Variants in KCTD8 observed in about 807,000 individuals in gnomAD.
KCTD8 encodes the protein BTB/POZ domain-containing protein KCTD8.
A neutral mutation model predicts 31.5 loss-of-function variants in KCTD8; 27 were observed. That is an observed-to-expected ratio of 0.86 (90% CI 0.63 to 1.18). KCTD8 has a LOEUF of 1.18. Ranked by LOEUF, KCTD8 falls within the 50% of genes most tolerant of loss-of-function variation. The pLI, the probability that KCTD8 is intolerant of heterozygous loss-of-function variation, is 0.00. For missense variants in KCTD8, 658 were observed against 647.7 expected (o/e 1.02, Z -0.17); for synonymous variants, 290 against 280.0 (o/e 1.04, Z -0.36).
chr4:44,247,452 G>A (rs546290624), intron 1 of KCTD8, among the ~76,000 whole-genome samples: 97 of 151,990 alleles, frequency 6.4e-4, no homozygotes, highest in Non-Finnish European at 1.3e-3. Context: ...GTGTGTATGT[G>A]TGTGTGTGCG....
chr4:44,195,118 T>C (rs1433374081), intron 1 of KCTD8, among the ~76,000 whole-genome samples: 1 of 151,760 alleles, frequency 6.6e-6, no homozygotes, highest in Non-Finnish European at 1.5e-5. Flanking sequence ...CCTTAGGTGA[T>C]CCACCCACCT....
At chr4:44,325,615 T>C (rs1005380964) in intron 1 of KCTD8, among the ~76,000 whole-genome samples, 7 of 151,866 alleles carry the variant, frequency 4.6e-5, no homozygotes, top group Non-Finnish European at 8.8e-5. Flanking sequence ...CATAAATATA[T>C]ACAGCTACTA....
chr4:44,432,538 G>A (rs1034465852), intron 1 of KCTD8, among the ~76,000 whole-genome samples: 4 of 151,638 alleles, frequency 2.6e-5, no homozygotes, highest in Non-Finnish European at 5.9e-5. Context: ...CATCCCAGGT[G>A]ATACTACTAC....
At chr4:44,376,811 T>A (rs1560439653) in intron 1 of KCTD8, among the ~76,000 whole-genome samples, 1 of 152,158 alleles carries the variant, frequency 6.6e-6, no homozygotes. Flanking sequence ...TCTTGAAGAA[T>A]GTGTGTCAGG....
intron 1 of KCTD8, among the ~76,000 whole-genome samples, chr4:44,291,633 TA>T (rs1717277199): frequency 1.3e-5 from 2 of 151,940 alleles, no homozygotes; most frequent in African/African-American, 4.8e-5. Context: ...AATACCTAAT[TA>T]AATGAAAAGA....
chr4:44,447,361 G>C (rs535443995), intron 1 of KCTD8, among the ~76,000 whole-genome samples: 1 of 152,354 alleles, frequency 6.6e-6, no homozygotes, highest in East Asian at 1.9e-4. Flanking sequence ...TAGAAAGGGG[G>C]AGTAGAGACG....
intron 1 of KCTD8, among the ~76,000 whole-genome samples, chr4:44,335,876 C>A (rs184271655): frequency 6.6e-6 from 1 of 151,932 alleles, no homozygotes; most frequent in South Asian, 2.1e-4. Context: ...AAAGGCCGGG[C>A]GCGGTGGCTC....
chr4:44,227,087 T>C (rs1018195207), intron 1 of KCTD8, among the ~76,000 whole-genome samples: 2 of 152,222 alleles, frequency 1.3e-5, no homozygotes, highest in African/African-American at 4.8e-5. Context: ...CCATTGCTTT[T>C]GGTGTTTTAG....
Position 44,447,893 on chromosome 4 carries a change from G to C in KCTD8, c.631C>G (p.Leu211Val). The change falls in exon 1 of 2, where the codon CTG (leucine) becomes GTG (valine). Residue 211 changes from leucine (L) to valine (V), a missense_variant. By Grantham distance (32) the Leu-to-Val change is conservative. Transcript: ENST00000360029. The stretch of plus-strand genomic sequence containing the variant: ...GTGGTGTAGGAGCCCCGGTAGCCCA[G>C]CGTGAGGAAGCCCGAGCGCTTGTCC... The part of the protein sequence containing the change: ...AQDKRSGFLT[L>V]GYRGSYTTVR... 4 of 1,529,974 alleles carry C rather than the reference G, an allele frequency of 2.6e-6. No individual in the cohort carries two copies. Among genetic ancestry groups the C allele is most frequent in the Non-Finnish European group, 3.5e-6 (4 of 1,135,294 alleles). 94.8% of individuals were successfully genotyped at this position (1,529,974 alleles called of 1,614,324 possible).
chr4:44,266,489 C>T (rs1414585267), intron 1 of KCTD8, among the ~76,000 whole-genome samples: 3 of 152,120 alleles, frequency 2.0e-5, no homozygotes, highest in South Asian at 2.1e-4. Context: ...CATCAACTAA[C>T]GAGCAAAATA....
chr4:44,189,033 C>T (rs1713678922), intron 1 of KCTD8, among the ~76,000 whole-genome samples: 1 of 152,124 alleles, frequency 6.6e-6, no homozygotes, highest in Non-Finnish European at 1.5e-5. Flanking sequence ...TGAGTTATGT[C>T]ATCTTATATA....
chr4:44,217,930 G>T (rs1339380967), intron 1 of KCTD8, among the ~76,000 whole-genome samples: 2 of 151,918 alleles, frequency 1.3e-5, no homozygotes, highest in East Asian at 3.9e-4. Context: ...TTCTCCCTCA[G>T]CTTTCAGATG....
In KCTD8 at chr4:44,448,414, C is replaced by T; in HGVS notation, c.110G>A (p.Cys37Tyr). The T allele has an allele frequency of 1.3e-6, 2 of 1,572,276 alleles. No individual in the cohort carries two copies. The highest frequency in any genetic ancestry group is 8.6e-7 in the Non-Finnish European group (1 of 1,164,590). The stretch of plus-strand genomic sequence containing the variant: ...TACTTCAGGGAAGGGCGAGGGTGCG[C>T]AGGGCCCCGGGGCGGCGGCGGCCGA... ...GASAAAAPGP[C>Y]APSPFPEVVE... The change falls in exon 1 of 2, where the codon TGC (cysteine) becomes TAC (tyrosine). Residue 37 changes from cysteine to tyrosine, a missense_variant. Coordinates refer to ENST00000360029, the MANE Select transcript of KCTD8 (RefSeq NM_198353.3). The surrounding 1 kb of genome is among the most constrained non-coding windows in gnomAD (Gnocchi z 4.1).
intron 1 of KCTD8, among the ~76,000 whole-genome samples, chr4:44,274,504 A>G (rs62304822): frequency 0.12 from 18,092 of 151,870 alleles, 1,324 homozygotes; most frequent in East Asian, 0.24. Flanking sequence ...GTGAAACATC[A>G]CATTATACTG....
At chr4:44,254,314 A>C (rs1211932374) in intron 1 of KCTD8, among the ~76,000 whole-genome samples, 3 of 151,948 alleles carry the variant, frequency 2.0e-5, no homozygotes, top group Admixed American at 6.6e-5. Context: ...TTTCAAAGAA[A>C]GTATTGGGTC....
chr4:44,427,469 GA>G (rs1231627905), intron 1 of KCTD8, among the ~76,000 whole-genome samples: 2 of 150,918 alleles, frequency 1.3e-5, no homozygotes, highest in African/African-American at 4.8e-5. Flanking sequence ...GTCTAAAATA[GA>G]AAAAAATGGA....
intron 1 of KCTD8, among the ~76,000 whole-genome samples, chr4:44,352,704 T>C (rs1031581467): frequency 6.6e-6 from 1 of 151,804 alleles, no homozygotes; most frequent in Admixed American, 6.6e-5. Context: ...AGATATTCAT[T>C]GTATCCATCT....
rs796919085 is a variant in KCTD8, at chr4:44,337,688, T to A, written c.961+109875A>T. 7.5e-3 allele frequency among the ~76,000 whole-genome samples: 407 copies of A among 54,456 alleles called. 2 individuals carry two copies. The highest frequency in any genetic ancestry group is 0.014 in the Middle Eastern group (1 of 72). The allele number at this position is 54,456 out of a possible 152,430, so 35.7% of individuals were successfully genotyped here. On this transcript the variant is annotated intron_variant, in intron 1 of 1. Coordinates refer to ENST00000360029, the MANE Select transcript of KCTD8 (RefSeq NM_198353.3). ...GACTCGATCTCAAAAAATATATATATATATATATATGTGTATATATATTTA... is the reference window on the plus strand; with the variant it reads ...GACTCGATCTCAAAAAATATATATAAATATATATATGTGTATATATATTTA...
chr4:44,317,112 C>T (rs1397663418), intron 1 of KCTD8, among the ~76,000 whole-genome samples: 4 of 151,152 alleles, frequency 2.6e-5, no homozygotes, highest in Non-Finnish European at 5.9e-5. Context: ...GCTATGTTTC[C>T]TTTCATTTTG....
Sources: allele counts gnomAD v4.1 joint callset (sites outside exome capture counted in the v4.1 genomes callset), GRCh38; gene constraint gnomAD v4.1.1; non-coding constraint Gnocchi (gnomAD v3.1); transcripts MANE v1.5; gene names NCBI Gene and HGNC (gene_info 2026-07-23, HGNC 2026-07-21).